Variants in PAX3 observed in about 807,000 individuals in gnomAD.
PAX3 encodes paired box protein Pax-3.
PAX3 carries 14 observed loss-of-function variants against 51.6 expected under a neutral mutation model. The observed-to-expected ratio is 0.27, with a 90% CI of 0.18 to 0.42. The LOEUF is 0.42. Ranked by LOEUF, PAX3 falls within the 10% of genes least tolerant of loss-of-function variation. PAX3 has a pLI of 1.00. For synonymous variants in PAX3, 280 were observed against 253.4 expected, an observed-to-expected ratio of 1.11 and a Z score of -1.00; for missense variants, 540 against 642.8, an observed-to-expected ratio of 0.84 and a Z score of 1.73.
At chr2:222,275,221 G>T (rs576735365) in intron 4 of PAX3, among the ~76,000 whole-genome samples, 8 of 152,068 alleles carry the variant, frequency 5.3e-5, no homozygotes, top group African/African-American at 1.4e-4. Flanking sequence ...TATACAAAGG[G>T]TATAGTTCTT....
intron 7 of PAX3, among the ~76,000 whole-genome samples, chr2:222,210,084 C>G (rs924050382): frequency 1.3e-5 from 2 of 152,160 alleles, no homozygotes; most frequent in African/African-American, 4.8e-5. Context: ...CTCTTTTCCA[C>G]CTGATGACTT....
intron 4 of PAX3, among the ~76,000 whole-genome samples, chr2:222,275,870 T>A (rs564727429): frequency 9.4e-4 from 143 of 152,346 alleles, no homozygotes; most frequent in African/African-American, 3.4e-3. Context: ...ATAAGATTTT[T>A]AAATATGTGA....
intron 5 of PAX3, among the ~76,000 whole-genome samples, chr2:222,224,492 A>G (rs182089775): frequency 6.6e-5 from 10 of 152,326 alleles, no homozygotes; most frequent in African/African-American, 2.2e-4. Context: ...TAAAGGAAAA[A>G]CACACTAACT....
At position 222,201,241 on chromosome 2, in the gene PAX3, C is replaced by T; in HGVS notation, c.*167G>A. 1 of 1,614,010 alleles carries T rather than the reference C, an allele frequency of 6.2e-7. No individual in the cohort carries two copies. Among genetic ancestry groups the T allele is most frequent in the South Asian group, 1.1e-5 (1 of 91,076 alleles). ...CGTGTTCAAAAGGATTTGAAACCAA[C>T]TATTGGAGGAAGAAAATCAATCACT... is the stretch of plus-strand genomic sequence containing the variant. On this transcript the variant is annotated 3_prime_UTR_variant, in exon 9 of 9. Transcript: ENST00000392070.
chr2:222,291,969 G>GGTGTGTGTGTGT (rs3997675), intron 4 of PAX3, among the ~76,000 whole-genome samples: 54 of 133,726 alleles, frequency 4.0e-4, no homozygotes, highest in East Asian at 1.8e-3. Context: ...CAGCCTCCAA[G>GGTGTGTGTGTGT]GTGTGTGTGT....
chr2:222,295,314 G>T (rs1429419664), intron 3 of PAX3, among the ~76,000 whole-genome samples: 1 of 152,166 alleles, frequency 6.6e-6, no homozygotes. Flanking sequence ...CGTCCTCAGC[G>T]GTGGTCTCGC....
chr2:222,295,600 C>G lies in PAX3; in HGVS notation c.379G>C (p.Gly127Arg). The G allele has an allele frequency of 1.9e-6, 3 of 1,614,196 alleles. No homozygotes were observed. Among genetic ancestry groups the G allele is most frequent in the Admixed American group, 1.7e-5 (1 of 60,028 alleles). The change falls in exon 3 of 9, where the codon GGC (glycine) becomes CGC (arginine). Residue 127 changes from glycine to arginine, a missense_variant. This residue lies in a region of PAX3 where 427 missense variants were observed against 483.6 expected (regional missense o/e 0.88). Coordinates refer to ENST00000392070, the MANE Select transcript of PAX3 (RefSeq NM_181458.4). ...KIEEYKRENPGMFSWEIRDKL... is the reference protein window; with the variant it reads ...KIEEYKRENPRMFSWEIRDKL... ...TCTCGGATTTCCCAGCTGAACATGC[C>G]CGGGTTCTCTCTTTTGTATTCCTCA...
chr2:222,248,346 ACTGT>A (rs1007369914), intron 4 of PAX3, among the ~76,000 whole-genome samples: 1 of 152,182 alleles, frequency 6.6e-6, no homozygotes. Flanking sequence ...TGGCTCCCTC[ACTGT>A]CTGTGCTACC....
intron 4 of PAX3, among the ~76,000 whole-genome samples, chr2:222,270,689 C>T (rs1271513233): frequency 6.6e-6 from 1 of 152,200 alleles, no homozygotes; most frequent in Admixed American, 6.5e-5. Flanking sequence ...TCCTGGCCTG[C>T]TGGGCCTTCC....
chr2:222,269,271 G>C (rs1694164948), intron 4 of PAX3, among the ~76,000 whole-genome samples: 1 of 152,136 alleles, frequency 6.6e-6, no homozygotes, highest in Non-Finnish European at 1.5e-5. Context: ...GAAAAGGCCT[G>C]TTGAATGCGC....
rs1357356043 is a variant in PAX3, at chr2:222,220,196, G to C, written c.1117C>G (p.Pro373Ala). 1 of 1,613,952 alleles carries C rather than the reference G, an allele frequency of 6.2e-7. No homozygotes were observed. Among genetic ancestry groups the C allele is most frequent in the African/African-American group, 1.3e-5 (1 of 75,028 alleles). ...FSSYTDSFVPPSGPSNPMNPT... is the reference protein window; with the variant it reads ...FSSYTDSFVPASGPSNPMNPT... ...TTCATGGGGTTGGAGGGCCCCGACG[G>C]AGGCACAAAGCTGTCTGTATAGCTG... is the stretch of plus-strand genomic sequence containing the variant. Residue 373 changes from proline (P) to alanine (A), a missense_variant, in exon 7 of 9, where the codon CCG becomes GCG. Physicochemically the swap from Pro to Ala is conservative, Grantham distance 27 (BLOSUM62 -1). This residue lies in a region of PAX3 where 427 missense variants were observed against 483.6 expected (regional missense o/e 0.88). Transcript: ENST00000392070.
intron 5 of PAX3, among the ~76,000 whole-genome samples, chr2:222,230,772 T>C (rs1324520971): frequency 1.3e-5 from 2 of 150,736 alleles, no homozygotes; most frequent in African/African-American, 4.9e-5. Context: ...GGAGAATCGC[T>C]TGAACCCAGG....
chr2:222,246,844 T>C (rs1395212537), intron 4 of PAX3, among the ~76,000 whole-genome samples: 1 of 152,238 alleles, frequency 6.6e-6, no homozygotes, highest in Non-Finnish European at 1.5e-5. Flanking sequence ...TTTGAAAATT[T>C]AACTTTCTTA....
Position 222,294,209 on chromosome 2 carries a change from T to G in PAX3, c.544A>C (p.Lys182Gln), listed in dbSNP as rs201489986. 3 of 1,614,210 alleles carry G rather than the reference T, an allele frequency of 1.9e-6. No individual in the cohort carries two copies. In the Admixed American group the frequency reaches 5.0e-5, roughly 27 times the overall value. The change falls in exon 4 of 9, where the codon AAG becomes CAG. Residue 182 changes from lysine (K) to glutamine (Q), a missense_variant. Lys to Gln is a moderately conservative substitution (Grantham distance 53, BLOSUM62 1). Transcript: ENST00000392070. ...LERKEAEESE[K>Q]KAKHSIDGIL... Reference sequence around the variant, plus strand: ...CCGTCGATGCTGTGTTTGGCCTTCTTCTCGCTTTCCTCTGCCTCCTTCCTC... The same window carrying G: ...CCGTCGATGCTGTGTTTGGCCTTCTGCTCGCTTTCCTCTGCCTCCTTCCTC...
chr2:222,212,234 C>T (rs895552867), intron 7 of PAX3, among the ~76,000 whole-genome samples: 19 of 152,060 alleles, frequency 1.2e-4, no homozygotes, highest in African/African-American at 4.6e-4. Context: ...AATAGTTTAA[C>T]TAGATTTTTT....
intron 4 of PAX3, among the ~76,000 whole-genome samples, chr2:222,284,182 CTA>C (rs1439797676): frequency 2.0e-5 from 3 of 152,132 alleles, no homozygotes; most frequent in Non-Finnish European, 4.4e-5. Flanking sequence ...ACGTGCAGAG[CTA>C]TAAAGACCTT....
intron 7 of PAX3, among the ~76,000 whole-genome samples, chr2:222,210,475 A>G (rs1386229765): frequency 1.3e-5 from 2 of 152,156 alleles, no homozygotes; most frequent in Non-Finnish European, 2.9e-5. Flanking sequence ...AAATACATTC[A>G]TTCATGTCAA....
intron 4 of PAX3, among the ~76,000 whole-genome samples, chr2:222,273,229 A>G (rs962309393): frequency 2.0e-5 from 3 of 152,204 alleles, no homozygotes; most frequent in Non-Finnish European, 4.4e-5. Context: ...CATGTTCCTT[A>G]CAACATGATA....
intron 4 of PAX3, among the ~76,000 whole-genome samples, chr2:222,280,447 A>G (rs567942939): frequency 6.6e-6 from 1 of 152,130 alleles, no homozygotes; most frequent in South Asian, 2.1e-4. Flanking sequence ...GGAAGGAAGA[A>G]AGAAAGAGTC....
Sources: gnomAD v4.1 joint callset for allele counts (sites outside exome capture counted in the v4.1 genomes callset) on GRCh38, gnomAD v4.1.1 for gene constraint, gnomAD v4.1.1 regional missense constraint, MANE v1.5 for transcripts, NCBI Gene and HGNC (gene_info 2026-07-23, HGNC 2026-07-21) for gene names.